Variants in ITGA9 observed in about 807,000 individuals in gnomAD.
ITGA9 encodes integrin alpha-9.
A neutral mutation model predicts 127.8 loss-of-function variants in ITGA9; 56 were observed. The observed-to-expected ratio is 0.44, with a 90% CI of 0.35 to 0.55. The LOEUF is 0.55. ITGA9 is among the 20% of genes least tolerant of loss of function. The probability of loss-of-function intolerance (pLI) is 0.00; values close to 1 mark genes in which losing one functional copy is unlikely to be tolerated. For missense variants in ITGA9, 1,196 were observed against 1,347.1 expected (o/e 0.89, Z 1.76); for synonymous variants, 508 against 514.5 (o/e 0.99, Z 0.17).
At chr3:37,718,532 A>G (rs1559577558) in intron 18 of ITGA9, among the ~76,000 whole-genome samples, 1 of 152,212 alleles carries the variant, frequency 6.6e-6, no homozygotes, top group Non-Finnish European at 1.5e-5. Flanking sequence ...GGCAGTGGCT[A>G]CATTAGCTCT....
chr3:37,620,909 C>T (rs1464677659), intron 15 of ITGA9, among the ~76,000 whole-genome samples: 1 of 152,210 alleles, frequency 6.6e-6, no homozygotes, highest in Non-Finnish European at 1.5e-5. Flanking sequence ...TTTCTCTTCT[C>T]AGCTTCCCTA....
intron 15 of ITGA9, among the ~76,000 whole-genome samples, chr3:37,610,578 G>A (rs1465152526): frequency 3.3e-5 from 5 of 152,180 alleles, no homozygotes; most frequent in East Asian, 1.9e-4. Flanking sequence ...GTCTGAGCCC[G>A]AGGTTCAGTG....
At chr3:37,509,020 C>T (rs1411174586) in intron 8 of ITGA9, among the ~76,000 whole-genome samples, 1 of 152,168 alleles carries the variant, frequency 6.6e-6, no homozygotes, top group Non-Finnish European at 1.5e-5. Flanking sequence ...TCTCACTGAG[C>T]CTGTTTCACC....
chr3:37,456,324 G>A (rs140776012), intron 1 of ITGA9, among the ~76,000 whole-genome samples: 3 of 152,086 alleles, frequency 2.0e-5, no homozygotes, highest in Admixed American at 1.3e-4. Context: ...CTCTCCTATA[G>A]CTCCCACTCC....
At chr3:37,649,077 ATATATAT>A (rs1700405349) in intron 16 of ITGA9, among the ~76,000 whole-genome samples, 1 of 151,138 alleles carries the variant, frequency 6.6e-6, no homozygotes, top group Non-Finnish European at 1.5e-5. Context: ...TATGGAAGTT[ATATATAT>A]AAAAAAAGAA....
chr3:37,704,751 G>C (rs1470050654), intron 18 of ITGA9, among the ~76,000 whole-genome samples: 6 of 152,116 alleles, frequency 3.9e-5, no homozygotes, highest in Admixed American at 3.3e-4. Context: ...CAAAGAAATT[G>C]GTAGGTTATG....
intron 5 of ITGA9, among the ~76,000 whole-genome samples, chr3:37,498,551 C>CA (rs1421387050): frequency 6.6e-6 from 1 of 152,142 alleles, no homozygotes; most frequent in Non-Finnish European, 1.5e-5. Context: ...ACCAGAAGAA[C>CA]AGAAGACCTG....
intron 15 of ITGA9, among the ~76,000 whole-genome samples, chr3:37,546,834 G>T (rs1297385237): frequency 2.0e-5 from 3 of 152,210 alleles, no homozygotes; most frequent in Non-Finnish European, 4.4e-5. Flanking sequence ...AAGAATAAAT[G>T]CAGGTGTCCT....
intron 14 of ITGA9, 26 bp downstream of exon 14, chr3:37,533,494 A>T: frequency 6.2e-7 from 1 of 1,612,176 alleles, no homozygotes; most frequent in Non-Finnish European, 8.5e-7. Context: ...GTCAGGGCTC[A>T]GGATACCCGT....
chr3:37,722,077 T>G (rs1020607571), intron 18 of ITGA9, among the ~76,000 whole-genome samples: 7 of 152,162 alleles, frequency 4.6e-5, no homozygotes, highest in Non-Finnish European at 1.0e-4. Context: ...CCCAAACGTG[T>G]GGCCTCTGGT....
At chr3:37,598,240 A>G (rs1699886436) in intron 15 of ITGA9, among the ~76,000 whole-genome samples, 1 of 152,186 alleles carries the variant, frequency 6.6e-6, no homozygotes, top group Non-Finnish European at 1.5e-5. Flanking sequence ...TGAAAAGATT[A>G]AAAAGAGCTC....
At chr3:37,526,397 A>G (rs1442823985) in intron 13 of ITGA9, among the ~76,000 whole-genome samples, 1 of 152,144 alleles carries the variant, frequency 6.6e-6, no homozygotes, top group Non-Finnish European at 1.5e-5. Flanking sequence ...TTTGGCCAAG[A>G]ACCTTCCATA....
At chr3:37,648,689 C>G (rs1700401980) in intron 16 of ITGA9, among the ~76,000 whole-genome samples, 1 of 151,728 alleles carries the variant, frequency 6.6e-6, no homozygotes, top group Admixed American at 6.6e-5. Flanking sequence ...CCCAGTAAAC[C>G]TGTGCTTCTC....
rs1338102915 is a variant in ITGA9, at chr3:37,821,056, ACT to A, written c.*2070_*2071del. 2 of 151,948 alleles carry A rather than the reference ACT, an allele frequency of 1.3e-5. No individual in the cohort carries two copies. The highest frequency in any genetic ancestry group is 1.3e-4 in the Admixed American group (2 of 15,256). The allele number at this position is 151,948 out of a possible 1,614,324, so 9.4% of individuals were successfully genotyped here. On this transcript the variant is annotated 3_prime_UTR_variant, in exon 28 of 28. Coordinates refer to ENST00000264741, the MANE Select transcript of ITGA9 (RefSeq NM_002207.3). ...TGTCTTTTGGTTTCTTATGCAGTTG[ACT>A]CTGCTGCAGGGAGATTACAGATGTA...
chr3:37,741,795 A>C lies in ITGA9; in HGVS notation c.2300A>C (p.His767Pro). The change falls in exon 21 of 28, where the codon CAC (histidine) becomes CCC (proline). Residue 767 changes from histidine to proline, a missense_variant. Transcript: ENST00000264741. ...CTCGTGCTGATGGTGCCACTGATGC[A>C]CGAGGTGGACACGTCCATCACCGGG... ...NTLVLMVPLM[H>P]EVDTSITGIM... 3.1e-6 allele frequency: 5 copies of C among 1,613,700 alleles called. No homozygotes were observed. The highest frequency in any genetic ancestry group is 4.2e-6 in the Non-Finnish European group (5 of 1,179,830).
At chr3:37,692,929 C>T (rs1305468650) in intron 18 of ITGA9, among the ~76,000 whole-genome samples, 1 of 152,036 alleles carries the variant, frequency 6.6e-6, no homozygotes, top group Non-Finnish European at 1.5e-5. Context: ...GAACAGAGAA[C>T]GAAGAACAGA....
At chr3:37,696,549 C>G (rs181622195) in intron 18 of ITGA9, among the ~76,000 whole-genome samples, 1 of 152,234 alleles carries the variant, frequency 6.6e-6, no homozygotes, top group African/African-American at 2.4e-5. Flanking sequence ...TCCAGAACCC[C>G]TGTCCTTCAG....
At chr3:37,752,140 G>T (rs1696593940) in intron 23 of ITGA9, among the ~76,000 whole-genome samples, 1 of 152,222 alleles carries the variant, frequency 6.6e-6, no homozygotes, top group African/African-American at 2.4e-5. Context: ...AAAGCCCTCG[G>T]CAAGGGCCTC....
chr3:37,606,320 G>A (rs1699968358), intron 15 of ITGA9, among the ~76,000 whole-genome samples: 1 of 152,192 alleles, frequency 6.6e-6, no homozygotes, highest in Admixed American at 6.5e-5. Flanking sequence ...TCACTGGAAC[G>A]GAGCTGCAAT....
Sources: gnomAD v4.1 joint callset for allele counts (sites outside exome capture counted in the v4.1 genomes callset) on GRCh38, gnomAD v4.1.1 for gene constraint, MANE v1.5 for transcripts, NCBI Gene and HGNC (gene_info 2026-07-23, HGNC 2026-07-21) for gene names.